Variants in ZBTB44 observed in about 807,000 individuals in gnomAD.
The protein encoded by ZBTB44 is zinc finger and BTB domain-containing protein 44.
Under a neutral mutation model 54.0 loss-of-function variants are expected in ZBTB44, and 15 were observed. The ratio of observed to expected loss-of-function variants is 0.28; its 90% CI spans 0.19 to 0.43. The LOEUF (loss-of-function observed/expected upper bound fraction) is 0.43. ZBTB44 is among the 20% of genes least tolerant of loss of function. ZBTB44 has a pLI of 1.00. For missense variants in ZBTB44, 487 were observed against 707.1 expected (o/e 0.69, Z 3.53); for synonymous variants, 230 against 250.1 (o/e 0.92, Z 0.76).
At chr11:130,271,586 A>G (rs1276133177) in intron 1 of ZBTB44, among the ~76,000 whole-genome samples, 1 of 152,210 alleles carries the variant, frequency 6.6e-6, no homozygotes, top group Non-Finnish European at 1.5e-5. Context: ...AGACTTTCAT[A>G]TGAATGGAAT....
chr11:130,239,389 T>C (rs565882195), intron 3 of ZBTB44: 9 of 157,932 alleles, frequency 5.7e-5, no homozygotes, highest in South Asian at 3.7e-4. Context: ...CTTTGGCAGA[T>C]GTTTTTCACA....
chr11:130,308,428 T>C (rs1942397549), intron 1 of ZBTB44, among the ~76,000 whole-genome samples: 1 of 152,234 alleles, frequency 6.6e-6, no homozygotes, highest in South Asian at 2.1e-4. Flanking sequence ...CAGCCTTGAA[T>C]TTGAAACCTG....
chr11:130,242,071 A>G lies in ZBTB44; in HGVS notation c.1019-2175T>C, dbSNP rs146325049. On this transcript the variant is annotated intron_variant, in intron 2 of 7. Coordinates refer to ENST00000357899, the MANE Select transcript of ZBTB44 (RefSeq NM_001301098.2). Reference sequence around the variant, plus strand: ...CATTTGCTTTCTGAACATTCTGGCTATTTTTTGACTTCTGCATTCCTGTAT... The same window carrying G: ...CATTTGCTTTCTGAACATTCTGGCTGTTTTTTGACTTCTGCATTCCTGTAT... Among the ~76,000 whole-genome samples, 605 of 152,304 alleles carry G rather than the reference A, an allele frequency of 4.0e-3. 6 individuals are homozygous for G. The highest frequency in any genetic ancestry group is 0.013 in the African/African-American group (557 of 41,558).
chr11:130,297,816 T>C (rs150868573), intron 1 of ZBTB44, among the ~76,000 whole-genome samples: 23 of 152,366 alleles, frequency 1.5e-4, no homozygotes, highest in African/African-American at 4.1e-4. Flanking sequence ...CATAGTTTGT[T>C]ACGGCACCCT....
At chr11:130,299,843 AC>A (rs1283641231) in intron 1 of ZBTB44, among the ~76,000 whole-genome samples, 1 of 152,222 alleles carries the variant, frequency 6.6e-6, no homozygotes, top group African/African-American at 2.4e-5. Context: ...GCAAGGACAC[AC>A]CAGTATTTGT....
chr11:130,281,596 T>G (rs1261098568), intron 1 of ZBTB44, among the ~76,000 whole-genome samples: 1 of 151,056 alleles, frequency 6.6e-6, no homozygotes, highest in South Asian at 2.1e-4. Flanking sequence ...GTTGTTGTTG[T>G]TTTTTGGGGG....
chr11:130,285,580 C>T, intron 1 of ZBTB44: 1 of 226,304 alleles, frequency 4.4e-6, no homozygotes, highest in South Asian at 7.6e-5. Flanking sequence ...GCGTGAGCCA[C>T]CACACCCAGC....
chr11:130,265,856 TGAAGGAAA>T (rs1333626043), intron 1 of ZBTB44, among the ~76,000 whole-genome samples: 1 of 152,164 alleles, frequency 6.6e-6, no homozygotes, highest in Non-Finnish European at 1.5e-5. Flanking sequence ...TTCATGAGGT[TGAAGGAAA>T]GAAGCCATCT....
At chr11:130,301,999 C>G (rs1366778003) in intron 1 of ZBTB44, among the ~76,000 whole-genome samples, 1 of 150,972 alleles carries the variant, frequency 6.6e-6, no homozygotes, top group African/African-American at 2.4e-5. Context: ...CCATAATGAG[C>G]CACGATCACA....
intron 5 of ZBTB44, 137 bp downstream of exon 5, chr11:130,236,656 A>G: frequency 3.4e-6 from 3 of 892,218 alleles, no homozygotes; most frequent in Non-Finnish European, 4.5e-6. Context: ...AGATTAGAGT[A>G]TGAACAGTGG....
chr11:130,276,242 A>AAAAAAGAAAAAAAG (rs59112840), intron 1 of ZBTB44, among the ~76,000 whole-genome samples: 1 of 94,420 alleles, frequency 1.1e-5, no homozygotes, highest in African/African-American at 3.7e-5. Flanking sequence ...CAAAAAAAAA[A>AAAAAAGAAAAAAAG]AAAAGAAAAA....
intron 1 of ZBTB44, among the ~76,000 whole-genome samples, chr11:130,292,684 T>C (rs998861480): frequency 2.0e-5 from 3 of 152,198 alleles, no homozygotes; most frequent in Non-Finnish European, 4.4e-5. Context: ...AATTAGTATT[T>C]TAAGAGTGTA....
intron 5 of ZBTB44, chr11:130,236,535 T>C (rs1375159076): frequency 5.8e-6 from 2 of 347,704 alleles, no homozygotes; most frequent in African/African-American, 2.1e-5. Context: ...TTAAAAAATA[T>C]CTCAAGAGGA....
intron 1 of ZBTB44, among the ~76,000 whole-genome samples, chr11:130,298,754 C>T (rs551167969): frequency 5.9e-5 from 9 of 152,004 alleles, no homozygotes; most frequent in Admixed American, 1.3e-4. Context: ...TGAGCCACCA[C>T]GCCCAGCAAT....
intron 2 of ZBTB44, among the ~76,000 whole-genome samples, chr11:130,258,386 CAAGAT>C (rs146987595): frequency 0.041 from 6,197 of 152,106 alleles, 307 homozygotes; most frequent in African/African-American, 0.12. Context: ...TCATTCACAC[CAAGAT>C]AAGTGCACTG....
At chr11:130,296,863 C>T (rs1327736414) in intron 1 of ZBTB44, 5 of 734,112 alleles carry the variant, frequency 6.8e-6, no homozygotes, top group South Asian at 1.4e-5. Flanking sequence ...TTAAATTTGC[C>T]TCAAGTTGCT....
chr11:130,254,966 T>C (rs2136387137), intron 2 of ZBTB44, among the ~76,000 whole-genome samples: 1 of 150,026 alleles, frequency 6.7e-6, no homozygotes, highest in Non-Finnish European at 1.5e-5. Flanking sequence ...CAGCAAACTA[T>C]CACAAGGACA....
chr11:130,266,525 C>T (rs1939260837), intron 1 of ZBTB44, among the ~76,000 whole-genome samples: 1 of 152,214 alleles, frequency 6.6e-6, no homozygotes, highest in African/African-American at 2.4e-5. Flanking sequence ...TCTGACGGAT[C>T]TGCACAAAGC....
In ZBTB44 at chr11:130,236,888, T is replaced by C; in HGVS notation, c.1473A>G (p.Thr491=). ...CAGAGTTGGTGAACATGGCGCCACA[T>C]GTTTTGCACTCGTAAATCCGAGGCT... ...IRKPRIYECK[T]CGAMFTNSGN... is the part of the protein sequence containing the mutation. Residue 491 remains threonine, a synonymous_variant, in exon 5 of 8, where the codon ACA becomes ACG. Transcript: ENST00000357899. The C allele has an allele frequency of 1.3e-6, 2 of 1,558,472 alleles. No individual in the cohort carries two copies. The highest frequency in any genetic ancestry group is 1.2e-5 in the South Asian group (1 of 85,262).
Sources: gnomAD v4.1 joint callset for allele counts (sites outside exome capture counted in the v4.1 genomes callset) on GRCh38, gnomAD v4.1.1 for gene constraint, MANE v1.5 for transcripts, NCBI Gene and HGNC (gene_info 2026-07-23, HGNC 2026-07-21) for gene names.